CCDC138: variants seen among roughly 807,000 people sequenced by gnomAD.
The protein encoded by CCDC138 is coiled-coil domain containing 138.
In CCDC138, 66 loss-of-function variants were observed where a neutral mutation model predicts 82.3. That is an observed-to-expected ratio of 0.80 (90% CI 0.66 to 0.98). The LOEUF (loss-of-function observed/expected upper bound fraction) is 0.98, where lower values mean the gene tolerates loss of function less well. CCDC138 is among the 50% of genes least tolerant of loss of function. The pLI is 0.00. For missense variants in CCDC138, 816 were observed against 758.9 expected (o/e 1.08, Z -0.88); for synonymous variants, 297 against 265.4 (o/e 1.12, Z -1.16).
chr2:108,861,283 T>A (rs550229511), intron 13 of CCDC138, among the ~76,000 whole-genome samples: 1 of 152,100 alleles, frequency 6.6e-6, no homozygotes, highest in South Asian at 2.1e-4. Context: ...AAAACACTTT[T>A]TCATTTCGTC....
chr2:108,786,894 C>A lies in CCDC138; in HGVS notation c.72C>A (p.Leu24=). Reference sequence around the variant, plus strand: ...AGAGTCTCAAAAGCCGCTACGGACTCGGGGGCAGCTGCCCCGACGAGGTGA... The same window carrying A: ...AGAGTCTCAAAAGCCGCTACGGACTAGGGGGCAGCTGCCCCGACGAGGTGA... ...VVESLKSRYG[L]GGSCPDEYDF... is the part of the protein sequence containing the mutation. The change falls in exon 1 of 15, where the codon CTC becomes CTA. Residue 24 remains leucine (L), a synonymous_variant. Coordinates refer to ENST00000295124, the MANE Select transcript of CCDC138 (RefSeq NM_144978.3). The A allele has an allele frequency of 5.2e-6, 8 of 1,552,438 alleles. No individual in the cohort carries two copies. The highest frequency in any genetic ancestry group is 6.9e-6 in the Non-Finnish European group (8 of 1,151,898).
intron 13 of CCDC138, among the ~76,000 whole-genome samples, chr2:108,858,361 C>CAAAA (rs139044517): frequency 6.6e-6 from 1 of 151,416 alleles, no homozygotes; most frequent in East Asian, 1.9e-4. Flanking sequence ...AACAAACAAA[C>CAAAA]AAAAAAAACA....
intron 7 of CCDC138, among the ~76,000 whole-genome samples, chr2:108,807,420 A>G (rs762767276): frequency 5.3e-5 from 8 of 152,196 alleles, no homozygotes; most frequent in Non-Finnish European, 1.0e-4. Flanking sequence ...TATGGGGTAC[A>G]GTGATATTTG....
chr2:108,788,079 A>T lies in CCDC138; in HGVS notation c.141A>T (p.Leu47=). Residue 47 remains leucine, a synonymous_variant, in exon 2 of 15, where the codon CTA becomes CTT. Transcript: ENST00000295124. The stretch of plus-strand genomic sequence containing the variant: ...AGTCTAAGTATAAGAGAAGAACTCT[A>T]ACCTCCCCAGGTAAGCCGGTATTTT... The part of the protein sequence containing the change: ...FYQSKYKRRT[L]TSPGDLDIYS... 1 of 1,601,826 alleles carries T rather than the reference A, an allele frequency of 6.2e-7. No homozygotes were observed.
At chr2:108,812,951 A>G (rs1574027363) in intron 9 of CCDC138, 24 bp downstream of exon 9, 2 of 1,608,160 alleles carry the variant, frequency 1.2e-6, no homozygotes, top group Middle Eastern at 1.7e-4. Context: ...ATGATTTGAT[A>G]TGATTGAAAA....
rs143117740 is a variant in CCDC138, at chr2:108,822,248, C to G, written c.1206+6143C>G. The stretch of plus-strand genomic sequence containing the variant: ...ATAAATGATAAAAAGGTAAATTCAC[C>G]AAGAAGATATAAATGAGAAATATTT... On this transcript the variant is annotated intron_variant, in intron 10 of 14. Coordinates refer to ENST00000295124, the MANE Select transcript of CCDC138 (RefSeq NM_144978.3). Among the ~76,000 whole-genome samples, 762 of 152,008 alleles carry G rather than the reference C, an allele frequency of 5.0e-3. 4 individuals carry two copies. The highest frequency in any genetic ancestry group is 0.021 in the South Asian group (102 of 4,808).
chr2:108,830,406 A>G (rs572600649), intron 10 of CCDC138, among the ~76,000 whole-genome samples: 25 of 152,364 alleles, frequency 1.6e-4, no homozygotes, highest in Non-Finnish European at 2.8e-4. Context: ...ATTTTACCAT[A>G]ATAAAGATTT....
intron 13 of CCDC138, among the ~76,000 whole-genome samples, chr2:108,865,678 C>T (rs1205628919): frequency 6.6e-6 from 1 of 152,138 alleles, no homozygotes; most frequent in Non-Finnish European, 1.5e-5. Flanking sequence ...CTTCTGAGAC[C>T]ATGGAGACTG....
At chr2:108,793,307 T>C (rs1475736213) in intron 4 of CCDC138, among the ~76,000 whole-genome samples, 1 of 152,022 alleles carries the variant, frequency 6.6e-6, no homozygotes, top group African/African-American at 2.4e-5. Flanking sequence ...CACTCCAGCC[T>C]GGGCGACAGA....
At position 108,856,903 on chromosome 2, in the gene CCDC138, A is replaced by G; in HGVS notation, c.1626A>G (p.Leu542=). The change falls in exon 13 of 15, where the codon CTA becomes CTG. Residue 542 remains leucine (L), a synonymous_variant. Transcript: ENST00000295124. ...CTGTTCCAGTAATATTAAGTCATCT[A>G]AGAATATCCAGTAAAGGACTCCTGT... The part of the protein sequence containing the change: ...YQAVPVILSH[L]RISSKGLLSN... 6.2e-7 allele frequency: 1 copy of G among 1,613,308 alleles called. No individual in the cohort carries two copies. Among genetic ancestry groups the G allele is most frequent in the African/African-American group, 1.3e-5 (1 of 74,930 alleles).
chr2:108,854,378 A>G (rs1692272289), intron 12 of CCDC138, among the ~76,000 whole-genome samples: 1 of 150,864 alleles, frequency 6.6e-6, no homozygotes, highest in African/African-American at 2.4e-5. Flanking sequence ...GCTGTGTGGT[A>G]TTTGGAAGGT....
intron 10 of CCDC138, among the ~76,000 whole-genome samples, chr2:108,821,075 T>G (rs545664522): frequency 5.9e-5 from 9 of 152,288 alleles, no homozygotes; most frequent in African/African-American, 2.2e-4. Flanking sequence ...ATATAATTTG[T>G]GGCCGGGTGC....
chr2:108,789,028 G>C (rs1573894819), intron 3 of CCDC138, 62 bp downstream of exon 3: 1 of 1,569,718 alleles, frequency 6.4e-7, no homozygotes, highest in East Asian at 2.2e-5. Context: ...CTGAGAAAGA[G>C]AAAAGGGCAG....
chr2:108,803,450 T>A (rs939918526), intron 6 of CCDC138, among the ~76,000 whole-genome samples: 40 of 152,176 alleles, frequency 2.6e-4, no homozygotes, highest in African/African-American at 8.4e-4. Flanking sequence ...AATTTTTTTT[T>A]AATTGTTTTA....
At chr2:108,832,228 T>C (rs1687812015) in intron 10 of CCDC138, among the ~76,000 whole-genome samples, 1 of 151,908 alleles carries the variant, frequency 6.6e-6, no homozygotes, top group African/African-American at 2.4e-5. Context: ...GGTTTTACCA[T>C]GTTGGCCTGG....
chr2:108,808,084 T>C (rs1245506644), intron 7 of CCDC138, among the ~76,000 whole-genome samples: 6 of 152,216 alleles, frequency 3.9e-5, no homozygotes, highest in Admixed American at 2.6e-4. Context: ...TGTACTTGGC[T>C]TATTTCACTT....
chr2:108,855,159 A>C (rs1244545255), intron 12 of CCDC138, among the ~76,000 whole-genome samples: 18 of 152,194 alleles, frequency 1.2e-4, no homozygotes, highest in Admixed American at 1.1e-3. Context: ...AAAATCTGAA[A>C]TATTCAATAA....
At chr2:108,794,821 T>C (rs1680587777) in intron 5 of CCDC138, 100 bp downstream of exon 5, 1 of 957,504 alleles carries the variant, frequency 1.0e-6, no homozygotes, top group East Asian at 2.7e-5. Context: ...TTAATTACTT[T>C]AGATAAGTTT....
intron 3 of CCDC138, among the ~76,000 whole-genome samples, chr2:108,789,690 A>G (rs1330831451): frequency 6.6e-6 from 1 of 152,180 alleles, no homozygotes; most frequent in Non-Finnish European, 1.5e-5. Context: ...TATGCATTGT[A>G]TTTAGGTGAT....
Sources: allele counts gnomAD v4.1 joint callset (sites outside exome capture counted in the v4.1 genomes callset), GRCh38; gene constraint gnomAD v4.1.1; transcripts MANE v1.5; gene names NCBI Gene and HGNC (gene_info 2026-07-23, HGNC 2026-07-21).